The following DNAH14 variants were observed in gnomAD, a reference collection of about 807,000 sequenced individuals.
DNAH14 encodes the protein dynein axonemal heavy chain 14.
In DNAH14, 478 loss-of-function variants were observed where a neutral mutation model predicts 520.9. The ratio of observed to expected loss-of-function variants is 0.92; its 90% CI spans 0.85 to 0.99. The LOEUF (loss-of-function observed/expected upper bound fraction) is 0.99. Ranked by LOEUF, DNAH14 falls within the 50% of genes least tolerant of loss-of-function variation. DNAH14 has a pLI of 0.00. For synonymous variants in DNAH14, 1,581 were observed against 1,757.2 expected, an observed-to-expected ratio of 0.90 and a Z score of 2.51; for missense variants, 4,831 against 5,234.5, an observed-to-expected ratio of 0.92 and a Z score of 2.38.
At chr1:225,183,655 C>T (rs2084316488) in intron 36 of DNAH14, among the ~76,000 whole-genome samples, 1 of 137,166 alleles carries the variant, frequency 7.3e-6, no homozygotes. Context: ...AAAGGACAAA[C>T]AAGATCAATA....
intron 17 of DNAH14, among the ~76,000 whole-genome samples, chr1:225,053,838 A>G (rs2068781215): frequency 6.6e-6 from 1 of 152,222 alleles, no homozygotes; most frequent in Non-Finnish European, 1.5e-5. Context: ...GGGTATCAAG[A>G]AAGTGTCTAC....
intron 17 of DNAH14, among the ~76,000 whole-genome samples, chr1:225,058,138 C>A (rs1481007498): frequency 6.6e-6 from 1 of 152,084 alleles, no homozygotes; most frequent in African/African-American, 2.4e-5. Flanking sequence ...TGGTAGAATT[C>A]GGCTGTGAAA....
intron 26 of DNAH14, among the ~76,000 whole-genome samples, 163 bp from the exon 27 acceptor site, chr1:225,123,364 G>A (rs1312318053): frequency 2.0e-5 from 3 of 152,064 alleles, no homozygotes; most frequent in African/African-American, 4.8e-5. Context: ...ATTATGCTTC[G>A]ATTAAGGCTC....
intron 10 of DNAH14, among the ~76,000 whole-genome samples, chr1:225,009,679 T>C (rs1288638860): frequency 6.6e-6 from 1 of 152,246 alleles, no homozygotes; most frequent in African/African-American, 2.4e-5. Context: ...GCATTGAATC[T>C]ATAAATTACT....
chr1:225,168,281 C>T (rs759181020), intron 36 of DNAH14, among the ~76,000 whole-genome samples: 4 of 152,326 alleles, frequency 2.6e-5, no homozygotes, highest in East Asian at 1.9e-4. Context: ...ACTGAGGTAA[C>T]GGGTTCATCG....
intron 51 of DNAH14, among the ~76,000 whole-genome samples, chr1:225,272,372 G>C (rs921194055): frequency 6.6e-6 from 1 of 152,174 alleles, no homozygotes; most frequent in Non-Finnish European, 1.5e-5. Flanking sequence ...ATTTTATTGT[G>C]GCTGTCAGAA....
intron 43 of DNAH14, among the ~76,000 whole-genome samples, chr1:225,248,504 A>T (rs894558291): frequency 6.6e-6 from 1 of 152,204 alleles, no homozygotes; most frequent in African/African-American, 2.4e-5. Context: ...AAAATGTATA[A>T]ATCTAATAAA....
In DNAH14 at chr1:225,232,280, T is replaced by TATACAC. The variant is rs1553258510; in HGVS notation, c.6518+1130_6518+1131insTACACA. ...ATATATAAACTGTGATATATATATA[T>TATACAC]ACACACACACACACACACACGTGTA... is the stretch of plus-strand genomic sequence containing the variant. On this transcript the variant is annotated intron_variant, in intron 42 of 85. Transcript: ENST00000682510. The surrounding 1 kb of genome is among the most constrained non-coding windows in gnomAD (Gnocchi z 4.2). 2.7e-4 allele frequency among the ~76,000 whole-genome samples: 40 copies of TATACAC among 149,596 alleles called. No individual in the cohort carries two copies. The highest frequency in any genetic ancestry group is 9.6e-4 in the African/African-American group (39 of 40,784).
intron 36 of DNAH14, 131 bp from the exon 37 acceptor site, chr1:225,185,158 TGA>T: frequency 1.0e-6 from 1 of 981,654 alleles, no homozygotes; most frequent in Non-Finnish European, 1.4e-6. Flanking sequence ...ACATTCATGC[TGA>T]GAGCCAAATA....
chr1:225,128,845 A>G (rs80036661), intron 27 of DNAH14, among the ~76,000 whole-genome samples: 96,773 of 148,352 alleles, frequency 0.65, 33,322 homozygotes, highest in African/African-American at 0.87. Flanking sequence ...TGAAATAAAG[A>G]GTATTCAATT....
intron 64 of DNAH14, among the ~76,000 whole-genome samples, chr1:225,329,814 G>A (rs1220402401): frequency 6.6e-6 from 1 of 152,064 alleles, no homozygotes; most frequent in Admixed American, 6.6e-5. Flanking sequence ...ATCACATCAA[G>A]TTAAAAAGCT....
At chr1:225,353,778 G>A in intron 72 of DNAH14, 25 bp from the exon 73 acceptor site, 1 of 1,243,438 alleles carries the variant, frequency 8.0e-7, no homozygotes, top group South Asian at 1.4e-5. Context: ...GTTAATGCCA[G>A]TTTCTTTCTC....
At chr1:225,162,786 C>T (rs1329843536) in intron 35 of DNAH14, among the ~76,000 whole-genome samples, 1 of 152,008 alleles carries the variant, frequency 6.6e-6, no homozygotes, top group Non-Finnish European at 1.5e-5. Context: ...TGTGTAGCTA[C>T]TATAAATGGG....
chr1:225,351,635 T>C lies in DNAH14; in HGVS notation c.11297-12T>C. 1 of 1,530,482 alleles carries C rather than the reference T, an allele frequency of 6.5e-7. No homozygotes were observed. Among genetic ancestry groups the C allele is most frequent in the Non-Finnish European group, 8.8e-7 (1 of 1,134,788 alleles). 94.8% of individuals were successfully genotyped at this position (1,530,482 alleles called of 1,614,324 possible). A position where few individuals can be genotyped will look rare whatever the true frequency, so the allele number is the denominator to read the frequency against. ...ATCTCTTCTAATGTGATCATCTTTCTTTTTTTATCAGGCACATTTGAAATA... is the reference window on the plus strand; with the variant it reads ...ATCTCTTCTAATGTGATCATCTTTCCTTTTTTATCAGGCACATTTGAAATA... On this transcript the variant is annotated splice_polypyrimidine_tract_variant and intron_variant, in intron 71 of 85. Coordinates refer to ENST00000682510, the MANE Select transcript of DNAH14 (RefSeq NM_001367479.1).
At chr1:225,135,071 A>G (rs367971351) in intron 27 of DNAH14, among the ~76,000 whole-genome samples, 25 of 151,842 alleles carry the variant, frequency 1.6e-4, no homozygotes, top group African/African-American at 5.6e-4. Flanking sequence ...TTTCATCTTT[A>G]TTAGCCTAGC....
Position 225,367,796 on chromosome 1 carries a change from GTTTTCAAGA to G in DNAH14, c.12091-6_12093del. The G allele has an allele frequency of 6.5e-7, 1 of 1,546,776 alleles. No individual in the cohort carries two copies. Among genetic ancestry groups the G allele is most frequent in the Non-Finnish European group, 8.8e-7 (1 of 1,142,830 alleles). ...CTCACATGCCATTTTACTCACATCT[GTTTTCAAGA>G]TTGCCGTGGAATCTCCCCAGGGATT... is the stretch of plus-strand genomic sequence containing the variant. On this transcript the variant is annotated splice_acceptor_variant and splice_polypyrimidine_tract_variant and coding_sequence_variant and intron_variant, in exon 77 of 86. Transcript: ENST00000682510. LOFTEE classifies it high-confidence loss of function.
intron 4 of DNAH14, 69 bp from the exon 5 acceptor site, chr1:224,964,410 A>G: frequency 1.4e-6 from 2 of 1,469,032 alleles, no homozygotes; most frequent in Non-Finnish European, 1.8e-6. Flanking sequence ...TATTTGTAAT[A>G]TTATGCATTA....
intron 43 of DNAH14, among the ~76,000 whole-genome samples, chr1:225,251,716 TAAAACACAATAATAAG>T (rs1472673239): frequency 6.6e-6 from 1 of 152,064 alleles, no homozygotes; most frequent in East Asian, 1.9e-4. Context: ...AAAGAACTCT[TAAAACACAATAATAAG>T]AAAACACAAT....
At chr1:224,996,956 G>C (rs771364822) in intron 8 of DNAH14, among the ~76,000 whole-genome samples, 6 of 152,126 alleles carry the variant, frequency 3.9e-5, no homozygotes, top group African/African-American at 1.2e-4. Flanking sequence ...TTCTCTCTCT[G>C]TGGGGTGTGG....
Sources: allele counts gnomAD v4.1 joint callset (sites outside exome capture counted in the v4.1 genomes callset), GRCh38; gene constraint gnomAD v4.1.1; non-coding constraint Gnocchi (gnomAD v3.1); transcripts MANE v1.5; gene names NCBI Gene and HGNC (gene_info 2026-07-23, HGNC 2026-07-21).